PACSIN2: variants seen among roughly 807,000 people sequenced by gnomAD.
The protein encoded by PACSIN2 is protein kinase C and casein kinase substrate in neurons protein 2.
PACSIN2 carries 25 observed loss-of-function variants against 63.8 expected under a neutral mutation model. That is an observed-to-expected ratio of 0.39 (90% confidence interval 0.29 to 0.55). The LOEUF is 0.55. Ranked by LOEUF, PACSIN2 falls within the 20% of genes least tolerant of loss-of-function variation. PACSIN2 has a pLI of 0.62. For missense variants in PACSIN2, 518 were observed against 646.9 expected (o/e 0.80, Z 2.16); for synonymous variants, 255 against 256.2 (o/e 1.00, Z 0.05).
chr22:42,875,044 G>T (rs1928497370), intron 10 of PACSIN2, among the ~76,000 whole-genome samples: 1 of 151,648 alleles, frequency 6.6e-6, no homozygotes, highest in South Asian at 2.1e-4. Context: ...TAGAGACGGG[G>T]TTTCACACTC....
At chr22:42,949,796 A>T (rs1244462025) in intron 1 of PACSIN2, among the ~76,000 whole-genome samples, 3 of 152,208 alleles carry the variant, frequency 2.0e-5, no homozygotes, top group Non-Finnish European at 4.4e-5. Flanking sequence ...TGTGTCCCAA[A>T]TTCTTAAATA....
intron 1 of PACSIN2, among the ~76,000 whole-genome samples, chr22:42,920,326 CCAA>C (rs1932103785): frequency 6.6e-6 from 1 of 152,086 alleles, no homozygotes; most frequent in Admixed American, 6.6e-5. Flanking sequence ...CATCCGAATT[CCAA>C]CAAGTGATTT....
intron 7 of PACSIN2, among the ~76,000 whole-genome samples, chr22:42,881,945 C>T (rs1162460391): frequency 2.0e-5 from 3 of 152,208 alleles, no homozygotes; most frequent in Non-Finnish European, 4.4e-5. Context: ...CAAACATTCC[C>T]AACTAGAGAG....
chr22:42,909,520 G>A (rs759008935), intron 2 of PACSIN2: 29 of 470,980 alleles, frequency 6.2e-5, no homozygotes, highest in Admixed American at 4.7e-4. Flanking sequence ...ACGAACATCC[G>A]TCATGGAGAA....
intron 1 of PACSIN2, among the ~76,000 whole-genome samples, chr22:42,944,204 CTG>C (rs1312362072): frequency 6.6e-6 from 1 of 152,168 alleles, no homozygotes; most frequent in Non-Finnish European, 1.5e-5. Flanking sequence ...CTGAGGGACT[CTG>C]TGGAACCGCA....
intron 1 of PACSIN2, among the ~76,000 whole-genome samples, chr22:42,981,338 G>A (rs1385518525): frequency 4.9e-5 from 7 of 143,692 alleles, no homozygotes; most frequent in Admixed American, 6.7e-5. Flanking sequence ...CAGCCACCCC[G>A]TCCGGGAGGG....
intron 9 of PACSIN2, 44 bp downstream of exon 9, chr22:42,876,844 C>T (rs1200269964): frequency 2.2e-5 from 36 of 1,612,580 alleles, no homozygotes; most frequent in Non-Finnish European, 2.7e-5. Context: ...GGAAGAGAGA[C>T]AGAGTGAGCG....
intron 1 of PACSIN2, among the ~76,000 whole-genome samples, chr22:42,944,580 A>G (rs1267788994): frequency 6.6e-6 from 1 of 152,222 alleles, no homozygotes; most frequent in African/African-American, 2.4e-5. Context: ...AATAAACTCA[A>G]AGAAAAAATA....
At chr22:42,932,284 CT>C (rs1259218514) in intron 1 of PACSIN2, among the ~76,000 whole-genome samples, 6 of 152,354 alleles carry the variant, frequency 3.9e-5, no homozygotes, top group Non-Finnish European at 7.3e-5. Flanking sequence ...CCGGCTCCCC[CT>C]CACACCATTT....
chr22:42,903,676 T>C (rs1930858776), intron 2 of PACSIN2, among the ~76,000 whole-genome samples: 1 of 152,132 alleles, frequency 6.6e-6, no homozygotes, highest in South Asian at 2.1e-4. Context: ...CTAACCTCAC[T>C]GGGGCTCGCC....
intron 1 of PACSIN2, among the ~76,000 whole-genome samples, chr22:42,991,875 A>T (rs922872075): frequency 6.6e-6 from 1 of 152,114 alleles, no homozygotes; most frequent in Non-Finnish European, 1.5e-5. Context: ...TTCAAAATGG[A>T]TCACAGGCCT....
At chr22:42,986,590 T>A (rs1381288160) in intron 1 of PACSIN2, among the ~76,000 whole-genome samples, 1 of 152,062 alleles carries the variant, frequency 6.6e-6, no homozygotes, top group Admixed American at 6.6e-5. Context: ...AGTGACACTC[T>A]AATGGGGGGT....
intron 2 of PACSIN2, among the ~76,000 whole-genome samples, chr22:42,910,388 G>A (rs1931368678): frequency 6.6e-6 from 1 of 152,252 alleles, no homozygotes; most frequent in South Asian, 2.1e-4. Flanking sequence ...AGAGCTCACA[G>A]GAAGGCTCTC....
chr22:42,921,353 C>T (rs1458273401), intron 1 of PACSIN2, among the ~76,000 whole-genome samples: 9 of 143,592 alleles, frequency 6.3e-5, no homozygotes, highest in Admixed American at 2.2e-4. Flanking sequence ...TGTGAGACTC[C>T]GTCTCAAAAA....
At chr22:42,992,926 G>C (rs1457222493) in intron 1 of PACSIN2, among the ~76,000 whole-genome samples, 1 of 152,204 alleles carries the variant, frequency 6.6e-6, no homozygotes, top group African/African-American at 2.4e-5. Flanking sequence ...CACTCTGGGA[G>C]GCTGAGGCGG....
intron 1 of PACSIN2, among the ~76,000 whole-genome samples, chr22:42,934,592 G>A (rs949563695): frequency 1.3e-5 from 2 of 152,204 alleles, no homozygotes; most frequent in African/African-American, 2.4e-5. Flanking sequence ...TGAGACTGCC[G>A]CCTTGCTGGT....
intron 1 of PACSIN2, among the ~76,000 whole-genome samples, chr22:42,913,501 A>G (rs1355747192): frequency 1.3e-4 from 20 of 148,990 alleles, no homozygotes; most frequent in Middle Eastern, 3.5e-3. Context: ...AAAAAAAAAA[A>G]AAAGAGAGAC....
chr22:42,941,228 C>A (rs1312289784), intron 1 of PACSIN2, among the ~76,000 whole-genome samples: 6 of 147,104 alleles, frequency 4.1e-5, no homozygotes, highest in Non-Finnish European at 6.0e-5. Context: ...GTGTATTTCA[C>A]TCCTTTTTGT....
intron 7 of PACSIN2, among the ~76,000 whole-genome samples, chr22:42,881,161 T>G (rs1448638188): frequency 6.6e-6 from 1 of 152,140 alleles, no homozygotes; most frequent in African/African-American, 2.4e-5. Flanking sequence ...GGAAAAACCT[T>G]CCTGTTAAGG....
Sources: allele counts gnomAD v4.1 joint callset (sites outside exome capture counted in the v4.1 genomes callset), GRCh38; gene constraint gnomAD v4.1.1; transcripts MANE v1.5; gene names NCBI Gene and HGNC (gene_info 2026-07-23, HGNC 2026-07-21).